Variants in TMEM71 observed in about 807,000 individuals in gnomAD.
The protein encoded by TMEM71 is transmembrane protein 71.
A neutral mutation model predicts 38.0 loss-of-function variants in TMEM71; 44 were observed. The ratio of observed to expected loss-of-function variants is 1.16; its 90% CI spans 0.91 to 1.49. TMEM71 has a LOEUF of 1.49. Ranked by LOEUF, TMEM71 falls within the 40% of genes most tolerant of loss-of-function variation. The pLI is 0.00. For missense variants in TMEM71, 367 were observed against 348.6 expected (o/e 1.05, Z -0.42); for synonymous variants, 133 against 122.5 (o/e 1.09, Z -0.56).
intron 9 of TMEM71, 104 bp from the exon 10 acceptor site, chr8:132,711,086 C>A (rs769283049): frequency 2.9e-5 from 30 of 1,020,196 alleles, no homozygotes; most frequent in Non-Finnish European, 4.0e-5. Flanking sequence ...AAGCACACAC[C>A]CACACCCATA....
chr8:132,727,765 G>C (rs1395778731), intron 6 of TMEM71, 33 bp downstream of exon 6: 2 of 1,526,932 alleles, frequency 1.3e-6, no homozygotes, highest in South Asian at 2.5e-5. Context: ...GAATTCTTTG[G>C]GTGTGGCAAA....
At chr8:132,741,916 G>T (rs1052542960) in intron 5 of TMEM71, among the ~76,000 whole-genome samples, 8 of 152,218 alleles carry the variant, frequency 5.3e-5, no homozygotes, top group African/African-American at 1.7e-4. Context: ...AGCGGGTGTT[G>T]TTCCTTGACA....
At chr8:132,772,873 T>C in the TMEM71 span, among the ~76,000 whole-genome samples, 1 of 152,230 alleles carries the variant, frequency 6.6e-6, no homozygotes, top group Non-Finnish European at 1.5e-5. Context: ...AGGTGCATTC[T>C]ATCAGTGCCT....
At chr8:132,765,345 C>T (rs149819774), upstream of TMEM71, among the ~76,000 whole-genome samples, 297 of 152,264 alleles carry the variant, frequency 2.0e-3, no homozygotes, top group African/African-American at 6.2e-3. Context: ...TGTAAGGACT[C>T]GGCCCAAAGC....
At chr8:132,734,194 A>G (rs2131093120) in intron 5 of TMEM71, among the ~76,000 whole-genome samples, 1 of 152,232 alleles carries the variant, frequency 6.6e-6, no homozygotes, top group African/African-American at 2.4e-5. Context: ...ATACACACAC[A>G]CACAGAGACA....
At chr8:132,759,711 C>T (rs1829227278) in intron 1 of TMEM71, among the ~76,000 whole-genome samples, 1 of 152,118 alleles carries the variant, frequency 6.6e-6, no homozygotes, top group Admixed American at 6.5e-5. Flanking sequence ...CTTATGGCCA[C>T]ATTTTGTAAC....
intron 5 of TMEM71, among the ~76,000 whole-genome samples, chr8:132,746,630 C>T (rs1355076317): frequency 1.3e-5 from 2 of 151,690 alleles, no homozygotes; most frequent in Non-Finnish European, 2.9e-5. Context: ...TCTTCTAAAT[C>T]TGACTCTAGT....
At chr8:132,742,361 C>T (rs984997195) in intron 5 of TMEM71, among the ~76,000 whole-genome samples, 6 of 152,102 alleles carry the variant, frequency 3.9e-5, no homozygotes, top group African/African-American at 7.2e-5. Flanking sequence ...GGTGACAGAG[C>T]GAGACTCTGT....
At chr8:132,754,136 C>T (rs1205155641) in intron 3 of TMEM71, among the ~76,000 whole-genome samples, 1 of 152,094 alleles carries the variant, frequency 6.6e-6, no homozygotes, top group Admixed American at 6.5e-5. Context: ...GGTGTGTCTG[C>T]CCAAGGGATA....
chr8:132,775,108 C>T, the TMEM71 span, among the ~76,000 whole-genome samples: 9 of 152,160 alleles, frequency 5.9e-5, no homozygotes, highest in South Asian at 4.1e-4. Flanking sequence ...GACGTGGTTC[C>T]CAACGAATCA....
intron 7 of TMEM71, among the ~76,000 whole-genome samples, chr8:132,717,277 A>G (rs1480991802): frequency 6.6e-6 from 1 of 152,246 alleles, no homozygotes; most frequent in Non-Finnish European, 1.5e-5. Flanking sequence ...CACATAAAGA[A>G]TACATTCGAC....
chr8:132,756,979 T>C (rs898331452), intron 3 of TMEM71, among the ~76,000 whole-genome samples: 9 of 151,150 alleles, frequency 6.0e-5, no homozygotes, highest in African/African-American at 1.9e-4. Flanking sequence ...CTCCGCCTCC[T>C]GGATTCACGT....
chr8:132,728,023 T>TGTGTGTGTGA, intron 5 of TMEM71, 37 bp from the exon 6 acceptor site: 1 of 1,226,462 alleles, frequency 8.2e-7, no homozygotes, highest in East Asian at 4.3e-5. Flanking sequence ...AGTGTGTGTG[T>TGTGTGTGTGA]GTGTGTGTGT....
At chr8:132,722,923 T>G (rs1282211898) in intron 6 of TMEM71, among the ~76,000 whole-genome samples, 1 of 152,202 alleles carries the variant, frequency 6.6e-6, no homozygotes, top group African/African-American at 2.4e-5. Context: ...AAAGCTGATT[T>G]GAGGATTACC....
intron 7 of TMEM71, among the ~76,000 whole-genome samples, chr8:132,719,069 C>T (rs1826695006): frequency 6.6e-6 from 1 of 152,170 alleles, no homozygotes; most frequent in African/African-American, 2.4e-5. Context: ...ACAGCAAAGC[C>T]TATAAAGTGT....
chr8:132,756,403 CATATATATTATATATATATATATAT>C (rs1444100575), intron 3 of TMEM71, among the ~76,000 whole-genome samples: 26 of 95,234 alleles, frequency 2.7e-4, no homozygotes, highest in Non-Finnish European at 4.8e-4. Context: ...TTGACACTAA[CATATATATTATATATATATATATAT>C]ATATATATAT....
At chr8:132,723,287 A>C (rs1415203959) in intron 6 of TMEM71, among the ~76,000 whole-genome samples, 5 of 152,196 alleles carry the variant, frequency 3.3e-5, no homozygotes, top group Admixed American at 1.3e-4. Flanking sequence ...CCCTGATTTC[A>C]TGTGGAATTT....
the TMEM71 span, among the ~76,000 whole-genome samples, chr8:132,766,115 C>A: frequency 5.9e-5 from 9 of 152,150 alleles, no homozygotes; most frequent in Non-Finnish European, 4.4e-5. Context: ...GTGTTAACTG[C>A]AAGTTGGCTG....
the TMEM71 span, among the ~76,000 whole-genome samples, chr8:132,768,412 G>A: frequency 2.6e-5 from 4 of 152,144 alleles, no homozygotes; most frequent in African/African-American, 9.7e-5. Context: ...TTGGGAGGCT[G>A]AGGCAGGCAG....
Sources: allele counts gnomAD v4.1 joint callset (sites outside exome capture counted in the v4.1 genomes callset), GRCh38; gene constraint gnomAD v4.1.1; transcripts MANE v1.5; gene names NCBI Gene and HGNC (gene_info 2026-07-23, HGNC 2026-07-21).